The following JMY variants were observed in gnomAD, a reference collection of about 807,000 sequenced individuals.
JMY encodes the protein junction mediating and regulatory protein, p53 cofactor, also known as junction-mediating and -regulatory protein.
In JMY, 46 loss-of-function variants were observed where a neutral mutation model predicts 103.3. The ratio of observed to expected loss-of-function variants is 0.45; its 90% CI spans 0.35 to 0.57. JMY has a LOEUF of 0.57. Ranked by LOEUF, JMY falls within the 20% of genes least tolerant of loss-of-function variation. The probability of loss-of-function intolerance (pLI) is 0.00; values close to 1 mark genes in which losing one functional copy is unlikely to be tolerated. For synonymous variants in JMY, 526 were observed against 489.3 expected (o/e 1.07, Z -0.99); for missense variants, 1,238 against 1,255.2 (o/e 0.99, Z 0.21).
intron 1 of JMY, among the ~76,000 whole-genome samples, chr5:79,254,661 T>C (rs1424067127): frequency 6.6e-6 from 1 of 152,174 alleles, no homozygotes; most frequent in East Asian, 1.9e-4. Context: ...TATAATAACC[T>C]TCTTTTACTT....
intron 8 of JMY, among the ~76,000 whole-genome samples, chr5:79,313,977 G>A (rs573170597): frequency 6.6e-6 from 1 of 152,266 alleles, no homozygotes; most frequent in African/African-American, 2.4e-5. Context: ...TCCTGCCTCA[G>A]CCTCCTGAGT....
rs7720031 is a variant in JMY, at chr5:79,270,589, A to G, written c.1033-7321A>G. Among the ~76,000 whole-genome samples the G allele has an allele frequency of 6.7e-5, 4 of 59,924 alleles. 2 individuals carry two copies. The highest frequency in any genetic ancestry group is 7.9e-4 in the South Asian group (2 of 2,524). The allele number at this position is 59,924 out of a possible 152,430, so 39.3% of individuals were successfully genotyped here. ...ATTTAAAATGTATATTTACATAAATATTTAAAATGTATATTTACATAAATG... is the reference window on the plus strand; with the variant it reads ...ATTTAAAATGTATATTTACATAAATGTTTAAAATGTATATTTACATAAATG... On this transcript the variant is annotated intron_variant, in intron 1 of 10. Coordinates refer to ENST00000396137, the MANE Select transcript of JMY (RefSeq NM_152405.5).
intron 10 of JMY, among the ~76,000 whole-genome samples, chr5:79,316,945 G>A (rs553409995): frequency 1.0e-3 from 152 of 147,442 alleles, no homozygotes; most frequent in Non-Finnish European, 1.8e-3. Flanking sequence ...TCAGTGGTTC[G>A]CTTCTGTAGT....
In JMY at chr5:79,278,029, A is replaced by G. The variant is rs527437715; in HGVS notation, c.1152A>G (p.Leu384=). 100 of 1,614,052 alleles carry G rather than the reference A, an allele frequency of 6.2e-5. No homozygotes were observed. In the South Asian group the frequency reaches 9.8e-4, roughly 16 times the overall value. ...CAACCGAACTCTATCAGTATTTACT[A>G]CAGCCATTCCGAGACATGAGAGAAC... ...EATTELYQYL[L]QPFRDMRELA... The change falls in exon 2 of 11, where the codon CTA becomes CTG. Residue 384 remains leucine (L), a synonymous_variant. Coordinates refer to ENST00000396137, the MANE Select transcript of JMY (RefSeq NM_152405.5).
chr5:79,236,839 G>T lies in JMY; in HGVS notation c.189G>T (p.Gly63=). The stretch of plus-strand genomic sequence containing the variant: ...GGAGCGGCTCCCGGGAGCAAGCGGG[G>T]GCGCGAGGGGGCGCCGAGGCCGGCG... The part of the protein sequence containing the change: ...RQRSGSREQA[G]ARGGAEAGGA... Residue 63 remains glycine (G), a synonymous_variant, in exon 1 of 11, where the codon GGG becomes GGT. Transcript: ENST00000396137. The T allele has an allele frequency of 1.4e-6, 2 of 1,451,982 alleles. No individual in the cohort carries two copies. Among genetic ancestry groups the T allele is most frequent in the Non-Finnish European group, 9.1e-7 (1 of 1,096,458 alleles). 89.9% of individuals were successfully genotyped at this position (1,451,982 alleles called of 1,614,324 possible).
chr5:79,325,663 C>T lies in JMY; in HGVS notation c.*4061C>T, dbSNP rs182573149. 5 of 152,248 alleles carry T rather than the reference C, an allele frequency of 3.3e-5. No individual in the cohort carries two copies. Among genetic ancestry groups the T allele is most frequent in the Admixed American group, 3.3e-4 (5 of 15,296 alleles). 9.4% of individuals were successfully genotyped at this position (152,248 alleles called of 1,614,324 possible). ...ATCTATTTAGTGCTACTGAACAATT[C>T]AGTAGTTATTTCTGAACTTTGCTGC... On this transcript the variant is annotated 3_prime_UTR_variant, in exon 11 of 11. Coordinates refer to ENST00000396137, the MANE Select transcript of JMY (RefSeq NM_152405.5).
intron 4 of JMY, among the ~76,000 whole-genome samples, chr5:79,298,620 C>T (rs548146388): frequency 1.3e-5 from 2 of 152,166 alleles, no homozygotes; most frequent in African/African-American, 2.4e-5. Context: ...CCTAACACAG[C>T]GGGATCACTC....
Position 79,284,690 on chromosome 5 carries a change from C to A in JMY, c.1207-5431C>A, listed in dbSNP as rs747226344. On this transcript the variant is annotated intron_variant, in intron 2 of 10. Coordinates refer to ENST00000396137, the MANE Select transcript of JMY (RefSeq NM_152405.5). ...TTGAATTTTCTAAGTGCAACTTCAT[C>A]ATTCTGCAAATCAGCAAGACTCACT... 5.6e-4 allele frequency: 893 copies of A among 1,591,984 alleles called. 6 individuals are homozygous for A. The highest frequency in any genetic ancestry group is 4.3e-4 in the Middle Eastern group (2 of 4,680).
intron 7 of JMY, 67 bp downstream of exon 7, chr5:79,306,528 C>A (rs1192532629): frequency 2.8e-6 from 3 of 1,079,450 alleles, no homozygotes; most frequent in Non-Finnish European, 4.2e-6. Flanking sequence ...TGGATAAAAT[C>A]TGTAGAGAAT....
Position 79,291,197 on chromosome 5 carries a change from A to G in JMY, c.1425A>G (p.Glu475=). 6.2e-7 allele frequency: 1 copy of G among 1,613,546 alleles called. No homozygotes were observed. The highest frequency in any genetic ancestry group is 1.1e-5 in the South Asian group (1 of 90,840). ...FGKASWAAAA[E]RMEKLQYAVS... is the part of the protein sequence containing the mutation. ...AAGCATCATGGGCAGCGGCTGCTGAACGGATGGAAAAACTCCAGTATGCAG... is the reference window on the plus strand; with the variant it reads ...AAGCATCATGGGCAGCGGCTGCTGAGCGGATGGAAAAACTCCAGTATGCAG... The change falls in exon 4 of 11, where the codon GAA becomes GAG. Residue 475 remains glutamate, a synonymous_variant. Coordinates refer to ENST00000396137, the MANE Select transcript of JMY (RefSeq NM_152405.5).
At chr5:79,312,277 C>A in intron 7 of JMY, 126 bp from the exon 8 acceptor site, 1 of 468,744 alleles carries the variant, frequency 2.1e-6, no homozygotes. Context: ...GTTTCATGAA[C>A]AAAAAAAAAT....
At chr5:79,239,817 AAAAAG>A (rs544030713) in intron 1 of JMY, among the ~76,000 whole-genome samples, 71 of 151,116 alleles carry the variant, frequency 4.7e-4, no homozygotes, top group Admixed American at 3.6e-3. Context: ...CTCAAAAAAA[AAAAAG>A]AAAAGAAAAA....
chr5:79,260,508 G>A (rs1017308880), intron 1 of JMY, among the ~76,000 whole-genome samples: 2 of 151,956 alleles, frequency 1.3e-5, no homozygotes, highest in African/African-American at 4.8e-5. Context: ...AGCCTCCTGA[G>A]TAGCTGGGAA....
chr5:79,315,687 A>G (rs1220597202), intron 9 of JMY, among the ~76,000 whole-genome samples: 1 of 152,218 alleles, frequency 6.6e-6, no homozygotes, highest in Admixed American at 6.5e-5. Flanking sequence ...GCAATATGGA[A>G]ATCCTTTGGG....
chr5:79,251,089 A>C (rs1745071788), intron 1 of JMY, among the ~76,000 whole-genome samples: 1 of 152,138 alleles, frequency 6.6e-6, no homozygotes, highest in African/African-American at 2.4e-5. Flanking sequence ...AAGCCAATTT[A>C]TTTGACTGTG....
intron 1 of JMY, among the ~76,000 whole-genome samples, chr5:79,254,023 C>G (rs985097558): frequency 2.5e-4 from 38 of 150,498 alleles, no homozygotes; most frequent in African/African-American, 8.8e-4. Context: ...TCTTGGCTCA[C>G]TGCAACCTCC....
chr5:79,259,346 G>A (rs1187637104), intron 1 of JMY, among the ~76,000 whole-genome samples: 2 of 152,190 alleles, frequency 1.3e-5, no homozygotes, highest in Non-Finnish European at 2.9e-5. Flanking sequence ...GGCCTCAGGG[G>A]AGGAAGTGTG....
chr5:79,294,873 AG>A (rs1437957461), intron 4 of JMY, among the ~76,000 whole-genome samples: 3 of 151,206 alleles, frequency 2.0e-5, no homozygotes, highest in East Asian at 3.9e-4. Flanking sequence ...AAAAAAAAAA[AG>A]GTATATCAGT....
In JMY at chr5:79,284,874, C is replaced by G. The variant is rs912523686; in HGVS notation, c.1207-5247C>G. 9 of 1,569,162 alleles carry G rather than the reference C, an allele frequency of 5.7e-6. No individual in the cohort carries two copies. In the East Asian group the frequency reaches 1.1e-4, roughly 19 times the overall value. ...GATCAACCACTTTCTTCTTGGCCCC[C>G]TTTTTGCTGCCTTTCGTAAGGTGCT... is the stretch of plus-strand genomic sequence containing the variant. On this transcript the variant is annotated intron_variant, in intron 2 of 10. Coordinates refer to ENST00000396137, the MANE Select transcript of JMY (RefSeq NM_152405.5).
Sources: allele counts gnomAD v4.1 joint callset (sites outside exome capture counted in the v4.1 genomes callset), GRCh38; gene constraint gnomAD v4.1.1; transcripts MANE v1.5; gene names NCBI Gene and HGNC (gene_info 2026-07-23, HGNC 2026-07-21).